The following UNC93B1 variants were observed in gnomAD, a reference collection of about 807,000 sequenced individuals.
The protein encoded by UNC93B1 is unc-93B1 regulator of TLR signaling, also known as protein unc-93 homolog B1.
UNC93B1 carries 33 observed loss-of-function variants against 56.8 expected under a neutral mutation model. The observed-to-expected ratio is 0.58, with a 90% confidence interval of 0.44 to 0.78. UNC93B1 has a LOEUF of 0.78. UNC93B1 is among the 30% of genes least tolerant of loss of function. The probability of loss-of-function intolerance (pLI) is 0.00; values close to 1 mark genes in which losing one functional copy is unlikely to be tolerated. For synonymous variants in UNC93B1, 334 were observed against 358.6 expected (o/e 0.93, Z 0.77); for missense variants, 673 against 819.5 (o/e 0.82, Z 2.18).
intron 6 of UNC93B1, 80 bp from the exon 7 acceptor site, chr11:67,997,879 A>T (rs1856977517): frequency 6.4e-7 from 1 of 1,552,442 alleles, no homozygotes; most frequent in African/African-American, 1.4e-5. Flanking sequence ...GGAGCCACGC[A>T]GGCCGCGGAG....
At position 67,997,719 on chromosome 11, in the gene UNC93B1, C is replaced by T. The variant is rs3179926; in HGVS notation, c.862G>A (p.Val288Met). ...GCCACTGCCATGAGCACGCTCTCCA[C>T]CACAATGAGGTTTCCGCTCCGCGGG... is the stretch of plus-strand genomic sequence containing the variant. ...TLPRSGNLIVVESVLMAVAFL... is the reference protein window; with the variant it reads ...TLPRSGNLIVMESVLMAVAFL... The change falls in exon 7 of 11, where the codon GTG (valine) becomes ATG (methionine). Residue 288 changes from valine (V) to methionine (M), a missense_variant. Physicochemically the swap from Val to Met is conservative, Grantham distance 21. Around this residue, in one of 3 missense-constraint regions of UNC93B1, gnomAD observed 438 missense variants for 465.9 expected, o/e 0.94. Coordinates refer to ENST00000227471, the MANE Select transcript of UNC93B1 (RefSeq NM_030930.4). The T allele has an allele frequency of 1.2e-6, 2 of 1,609,068 alleles. No homozygotes were observed. Among genetic ancestry groups the T allele is most frequent in the Non-Finnish European group, 1.7e-6 (2 of 1,179,874 alleles).
In UNC93B1 at chr11:68,003,477, C is replaced by T. The variant is rs1220567653; in HGVS notation, c.238+180G>A. 105 of 1,002,942 alleles carry T rather than the reference C, an allele frequency of 1.0e-4. No individual in the cohort carries two copies. The East Asian group carries it at 3.2e-3, about 31-fold the overall frequency. 62.1% of individuals were successfully genotyped at this position (1,002,942 alleles called of 1,614,324 possible). Reference sequence around the variant, plus strand: ...CCCACACCGAGGCTCTGGCTGGGACCCGGGGACGCTGCGCTACTTGACCCC... The same window carrying T: ...CCCACACCGAGGCTCTGGCTGGGACTCGGGGACGCTGCGCTACTTGACCCC... On this transcript the variant is annotated intron_variant, in intron 2 of 10. Coordinates refer to ENST00000227471, the MANE Select transcript of UNC93B1 (RefSeq NM_030930.4). The surrounding 1 kb of genome is among the most constrained non-coding windows in gnomAD (Gnocchi z 4.4).
In UNC93B1 at chr11:67,999,550, G is replaced by A; in HGVS notation, c.523C>T (p.Leu175Phe). The part of the protein sequence containing the change: ...AVALGMAIVP[L>F]WASMGNYITR... ...ATGTAGTTGCCCATGGAAGCCCAAA[G>A]AGGCACGATGGCCATGCCCAGGGCC... The change falls in exon 4 of 11, where the codon CTT (leucine) becomes TTT (phenylalanine). Residue 175 changes from leucine to phenylalanine, a missense_variant. By Grantham distance (22) the Leu-to-Phe change is conservative. This residue lies in a region of UNC93B1 where 438 missense variants were observed against 465.9 expected (regional missense o/e 0.94). Coordinates refer to ENST00000227471, the MANE Select transcript of UNC93B1 (RefSeq NM_030930.4). 1 of 1,566,232 alleles carries A rather than the reference G, an allele frequency of 6.4e-7. No individual in the cohort carries two copies. Among genetic ancestry groups the A allele is most frequent in the Non-Finnish European group, 8.6e-7 (1 of 1,156,384 alleles).
In UNC93B1 at chr11:68,003,327, G is replaced by C; in HGVS notation, c.239-152C>G. The C allele has an allele frequency of 6.6e-6, 7 of 1,054,752 alleles. No homozygotes were observed. The highest frequency in any genetic ancestry group is 9.1e-6 in the Non-Finnish European group (7 of 765,568). 65.3% of individuals were successfully genotyped at this position (1,054,752 alleles called of 1,614,324 possible). A position where few individuals can be genotyped will look rare whatever the true frequency, so the allele number is the denominator to read the frequency against. ...CAGGACAGCGGGGTTCCCGGGCTGCGCCACGCCTTCTGCCAGCCCGCGGCC... is the reference window on the plus strand; with the variant it reads ...CAGGACAGCGGGGTTCCCGGGCTGCCCCACGCCTTCTGCCAGCCCGCGGCC... On this transcript the variant is annotated intron_variant, in intron 2 of 10. Coordinates refer to ENST00000227471, the MANE Select transcript of UNC93B1 (RefSeq NM_030930.4). The surrounding 1 kb of genome is among the most constrained non-coding windows in gnomAD (Gnocchi z 4.4).
chr11:68,002,393 T>G (rs1028476206), intron 3 of UNC93B1, among the ~76,000 whole-genome samples: 1 of 152,172 alleles, frequency 6.6e-6, no homozygotes, highest in African/African-American at 2.4e-5. Flanking sequence ...ATTTTCAAAT[T>G]TTTGTTTAAA....
intron 3 of UNC93B1, 78 bp from the exon 4 acceptor site, chr11:67,999,758 G>A (rs1362337754): frequency 7.9e-6 from 12 of 1,527,368 alleles, no homozygotes; most frequent in African/African-American, 1.4e-5. Context: ...GGCCACAACC[G>A]CAGGTCCCAG....
chr11:67,997,835 G>C, intron 6 of UNC93B1, 36 bp from the exon 7 acceptor site: 3 of 1,594,334 alleles, frequency 1.9e-6, no homozygotes, highest in Non-Finnish European at 2.6e-6. Context: ...CGTGAGCAGA[G>C]AGTAGGGCAC....
chr11:67,998,263 G>T, intron 6 of UNC93B1, 96 bp downstream of exon 6: 1 of 1,433,254 alleles, frequency 7.0e-7, no homozygotes, highest in Admixed American at 1.7e-5. Flanking sequence ...GGGGCACTGG[G>T]CTGCCAGCCC....
chr11:67,992,158 G>C (rs1811355778), intron 10 of UNC93B1, among the ~76,000 whole-genome samples: 3 of 152,250 alleles, frequency 2.0e-5, no homozygotes, highest in African/African-American at 7.2e-5. Context: ...ATAAAGTGCT[G>C]GCCACAGGCC....
Position 68,004,039 on chromosome 11 carries a change from T to C in UNC93B1, c.5A>G (p.Glu2Gly). 1 of 1,394,320 alleles carries C rather than the reference T, an allele frequency of 7.2e-7. No individual in the cohort carries two copies. The highest frequency in any genetic ancestry group is 3.1e-5 in the East Asian group (1 of 32,076). 86.4% of individuals were successfully genotyped at this position (1,394,320 alleles called of 1,614,324 possible). Residue 2 changes from glutamate (E) to glycine (G), a missense_variant, in exon 1 of 11, where the codon GAG becomes GGG. Coordinates refer to ENST00000227471, the MANE Select transcript of UNC93B1 (RefSeq NM_030930.4). ...CATCGGGTAGAGCGGCGGCTCCGCC[T>C]CCATGGCCCGAACTACTGCGGACTC... M[E>G]AEPPLYPMAG...
intron 5 of UNC93B1, 26 bp from the exon 6 acceptor site, chr11:67,998,478 C>G (rs1215536311): frequency 6.2e-7 from 1 of 1,611,848 alleles, no homozygotes; most frequent in Admixed American, 1.7e-5. Context: ...CAGTTGGGAC[C>G]AGACTCAGGC....
In UNC93B1 at chr11:67,996,612, C is replaced by T; in HGVS notation, c.1079G>A (p.Gly360Asp). Residue 360 changes from glycine (G) to aspartate (D), a missense_variant, in exon 8 of 11, where the codon GGT (glycine) becomes GAT (aspartate). By Grantham distance (94) the Gly-to-Asp change is moderately conservative. Transcript: ENST00000227471. ...GCAGGCTGTACTTACCAAGGCGATACCAGTGCAGGCAAAGAGCACCTCGAA... is the reference window on the plus strand; with the variant it reads ...GCAGGCTGTACTTACCAAGGCGATATCAGTGCAGGCAAAGAGCACCTCGAA... ...SGFEVLFACT[G>D]IALGYGVCSV... 1.9e-6 allele frequency: 3 copies of T among 1,548,944 alleles called. No homozygotes were observed. The highest frequency in any genetic ancestry group is 2.6e-6 in the Non-Finnish European group (3 of 1,144,872).
intron 5 of UNC93B1, 33 bp downstream of exon 5, chr11:67,999,140 C>T: frequency 6.2e-7 from 1 of 1,613,128 alleles, no homozygotes; most frequent in Non-Finnish European, 8.5e-7. Flanking sequence ...GGGTCTGCCC[C>T]TGCCACCCAA....
Position 67,996,740 on chromosome 11 carries a change from G to T in UNC93B1, c.951C>A (p.Ile317=). 1 of 1,560,392 alleles carries T rather than the reference G, an allele frequency of 6.4e-7. No homozygotes were observed. The highest frequency in any genetic ancestry group is 1.4e-5 in the African/African-American group (1 of 73,486). The change falls in exon 8 of 11, where the codon ATC becomes ATA. Residue 317 remains isoleucine (I), a synonymous_variant. Coordinates refer to ENST00000227471, the MANE Select transcript of UNC93B1 (RefSeq NM_030930.4). ...CGAAYRPTEE[I]DLRSVGWGNI... is the part of the protein sequence containing the mutation. ...TGCCCCAGCCCACGCTGCGCAGATCGATCTCCTCCGTGGGCCGGTAAGCGG... is the reference window on the plus strand; with the variant it reads ...TGCCCCAGCCCACGCTGCGCAGATCTATCTCCTCCGTGGGCCGGTAAGCGG...
Position 67,999,159 on chromosome 11 carries a change from C to T in UNC93B1, c.687+14G>A, listed in dbSNP as rs887077295. 2 of 1,613,738 alleles carry T rather than the reference C, an allele frequency of 1.2e-6. No individual in the cohort carries two copies. The highest frequency in any genetic ancestry group is 1.3e-5 in the African/African-American group (1 of 75,072). Reference sequence around the variant, plus strand: ...CTGCCCCTGCCACCCAACAATGGCCCACGTGGCACTCACATGGAAGAAGCT... The same window carrying T: ...CTGCCCCTGCCACCCAACAATGGCCTACGTGGCACTCACATGGAAGAAGCT... On this transcript the variant is annotated intron_variant, in intron 5 of 10. Coordinates refer to ENST00000227471, the MANE Select transcript of UNC93B1 (RefSeq NM_030930.4).
Position 68,003,852 on chromosome 11 carries a change from C to G in UNC93B1, c.97-54G>C. ...GCGATCGCGCCCCGAACCCGTGTCC[C>G]CCGGTGCCCGCCGCCCCCCGGCCCG... On this transcript the variant is annotated intron_variant, in intron 1 of 10. Transcript: ENST00000227471. The surrounding 1 kb of genome is among the most constrained non-coding windows in gnomAD (Gnocchi z 4.4). 7.4e-7 allele frequency: 1 copy of G among 1,348,562 alleles called. No individual in the cohort carries two copies. The highest frequency in any genetic ancestry group is 9.5e-7 in the Non-Finnish European group (1 of 1,052,056). 83.5% of individuals were successfully genotyped at this position (1,348,562 alleles called of 1,614,324 possible).
chr11:67,995,927 C>T (rs1445365858), intron 8 of UNC93B1, 43 bp from the exon 9 acceptor site: 19 of 1,435,448 alleles, frequency 1.3e-5, no homozygotes, highest in Non-Finnish European at 1.7e-5. Context: ...TGGAACAGCC[C>T]AGACCACAGT....
At chr11:68,000,348 G>A (rs189659177) in intron 3 of UNC93B1, among the ~76,000 whole-genome samples, 104 of 152,320 alleles carry the variant, frequency 6.8e-4, no homozygotes, top group Admixed American at 1.3e-3. Context: ...TGCATTCACT[G>A]CTGGTGAGGA....
At chr11:67,994,152 C>T (rs1474020069) in intron 9 of UNC93B1, among the ~76,000 whole-genome samples, 1 of 152,206 alleles carries the variant, frequency 6.6e-6, no homozygotes, top group Non-Finnish European at 1.5e-5. Context: ...CCTCCTCAGC[C>T]AGGACTAGAG....
Sources: gnomAD v4.1 joint callset for allele counts (sites outside exome capture counted in the v4.1 genomes callset) on GRCh38, gnomAD v4.1.1 for gene constraint, gnomAD v4.1.1 regional missense constraint, Gnocchi (gnomAD v3.1) non-coding constraint, MANE v1.5 for transcripts, NCBI Gene and HGNC (gene_info 2026-07-23, HGNC 2026-07-21) for gene names.